ZNF454: variants seen among roughly 807,000 people sequenced by gnomAD.
The protein encoded by ZNF454 is zinc finger protein 454.
In ZNF454, 30 loss-of-function variants were observed where a neutral mutation model predicts 48.2. The observed-to-expected ratio is 0.62, with a 90% CI of 0.47 to 0.84. The LOEUF is 0.84. Ranked by LOEUF, ZNF454 falls within the 40% of genes least tolerant of loss-of-function variation. ZNF454 has a pLI of 0.00. For synonymous variants in ZNF454, 204 were observed against 211.4 expected (o/e 0.97, Z 0.30); for missense variants, 510 against 623.1 (o/e 0.82, Z 1.93).
At chr5:178,982,688 ATG>A in the ZNF454 span, 1 of 402,014 alleles carries the variant, frequency 2.5e-6, no homozygotes, top group Non-Finnish European at 4.1e-6. Flanking sequence ...AGAAATGAAA[ATG>A]ATAAAAAAAA....
chr5:178,977,442 C>A, the ZNF454 span: 1 of 456,254 alleles, frequency 2.2e-6, no homozygotes, highest in Non-Finnish European at 4.4e-6. Flanking sequence ...TTCCAGCCTC[C>A]AGAACTATGA....
intron 4 of ZNF454, among the ~76,000 whole-genome samples, chr5:178,955,681 G>A (rs4700972): frequency 6.6e-6 from 1 of 152,004 alleles, no homozygotes; most frequent in Non-Finnish European, 1.5e-5. Flanking sequence ...AGTAATGTTA[G>A]TCTCACAAAA....
chr5:178,985,495 A>G, the ZNF454 span: 2 of 342,170 alleles, frequency 5.8e-6, no homozygotes, highest in East Asian at 8.2e-5. Context: ...CGAGGTCAGG[A>G]GATCGAGACC....
At chr5:178,961,262 G>T (rs1042883798) in intron 4 of ZNF454, among the ~76,000 whole-genome samples, 6 of 151,610 alleles carry the variant, frequency 4.0e-5, no homozygotes, top group Admixed American at 1.3e-4. Flanking sequence ...ACTTAGGTAA[G>T]TTACTATGTA....
the ZNF454 span, chr5:178,983,126 CCCTCTGGCCTGCTCGGGGT>C: frequency 3.7e-6 from 6 of 1,613,684 alleles, no homozygotes; most frequent in African/African-American, 1.3e-5. Context: ...ACTTGAGCAC[CCCTCTGGCCTGCTCGGGGT>C]CCACCGTCCG....
In ZNF454 at chr5:178,965,281, A is replaced by G; in HGVS notation, c.877A>G (p.Ile293Val). Residue 293 changes from isoleucine to valine, a missense_variant, in exon 5 of 5, where the codon ATA (isoleucine) becomes GTA (valine). Ile to Val is a conservative substitution (Grantham distance 29, BLOSUM62 3). This residue lies in a region of ZNF454 where 354 missense variants were observed against 408.9 expected (regional missense o/e 0.87). Transcript: ENST00000519564. This position sits in a 1 kb window ranked among gnomAD's most constrained non-coding sequence, Gnocchi z 5.2. The part of the protein sequence containing the change: ...RNIHLAHHHR[I>V]HTGEKPFKCN... ...TATACACCTTGCCCATCATCATAGA[A>G]TACATACTGGAGAGAAACCTTTTAA... is the stretch of plus-strand genomic sequence containing the variant. 6.2e-7 allele frequency: 1 copy of G among 1,614,248 alleles called. No homozygotes were observed. The highest frequency in any genetic ancestry group is 8.5e-7 in the Non-Finnish European group (1 of 1,180,042).
chr5:178,982,819 A>G, the ZNF454 span: 1 of 922,796 alleles, frequency 1.1e-6, no homozygotes, highest in Non-Finnish European at 1.8e-6. Flanking sequence ...CGGGATAAAC[A>G]AAAGCACGAA....
Position 178,946,250 on chromosome 5 carries a change from C to A in ZNF454, c.34-109C>A. On this transcript the variant is annotated intron_variant, in intron 2 of 4. Transcript: ENST00000519564. The surrounding 1 kb of genome is among the most constrained non-coding windows in gnomAD (Gnocchi z 4.5). ...TCACAGAACGCCAGCTCCCTGTGTGCCAGCAGTCCTGTAAATGCGCACAAG... is the reference window on the plus strand; with the variant it reads ...TCACAGAACGCCAGCTCCCTGTGTGACAGCAGTCCTGTAAATGCGCACAAG... 1.4e-6 allele frequency: 2 copies of A among 1,469,364 alleles called. No individual in the cohort carries two copies. The highest frequency in any genetic ancestry group is 1.8e-6 in the Non-Finnish European group (2 of 1,082,878). 91.0% of individuals were successfully genotyped at this position (1,469,364 alleles called of 1,614,324 possible). A position where few individuals can be genotyped will look rare whatever the true frequency, so the allele number is the denominator to read the frequency against.
the ZNF454 span, chr5:178,989,511 G>C: frequency 1.4e-6 from 2 of 1,399,186 alleles, no homozygotes; most frequent in Non-Finnish European, 2.0e-6. Context: ...GGCCAGGTGA[G>C]CTAGGAGTGG....
chr5:178,972,149 G>C, the ZNF454 span, among the ~76,000 whole-genome samples: 17 of 152,020 alleles, frequency 1.1e-4, no homozygotes, highest in South Asian at 1.9e-3. Context: ...GTCCAGGCTG[G>C]TCTCGAACTC....
chr5:178,989,001 A>G, the ZNF454 span: 2 of 1,613,642 alleles, frequency 1.2e-6, no homozygotes, highest in Non-Finnish European at 8.5e-7. Flanking sequence ...ATCGCCGGGC[A>G]CAGGCCTGTG....
the ZNF454 span, chr5:178,985,332 C>A: frequency 2.2e-6 from 1 of 452,466 alleles, no homozygotes; most frequent in South Asian, 1.6e-5. Context: ...CCTTCAAGGA[C>A]CCAGCAGGGG....
chr5:178,964,308 G>A (rs972852188), intron 4 of ZNF454, among the ~76,000 whole-genome samples: 1 of 152,024 alleles, frequency 6.6e-6, no homozygotes, highest in Non-Finnish European at 1.5e-5. Context: ...TTTTAGTAGA[G>A]ACGGGGTTTC....
chr5:178,989,206 TC>T, the ZNF454 span: 1 of 218,580 alleles, frequency 4.6e-6, no homozygotes, highest in Non-Finnish European at 6.5e-6. Flanking sequence ...GCCTTCCCCC[TC>T]CCCACCCTCA....
intron 1 of ZNF454, among the ~76,000 whole-genome samples, chr5:178,942,223 G>A (rs959570292): frequency 1.3e-5 from 2 of 152,162 alleles, no homozygotes; most frequent in African/African-American, 4.8e-5. Flanking sequence ...GACCAACATG[G>A]TGAAATCCCG....
At chr5:178,968,718 C>T (rs754236079), downstream of ZNF454, 1 of 455,374 alleles carries the variant, frequency 2.2e-6, no homozygotes, top group South Asian at 1.6e-5. Flanking sequence ...TCTTAACTAC[C>T]ACCCCCTTAC....
Position 178,944,310 on chromosome 5 carries a change from C to T in ZNF454, c.33+1486C>T, listed in dbSNP as rs1014452777. 9.2e-5 allele frequency among the ~76,000 whole-genome samples: 14 copies of T among 152,146 alleles called. No homozygotes were observed. The highest frequency in any genetic ancestry group is 3.1e-4 in the African/African-American group (13 of 41,428). On this transcript the variant is annotated intron_variant, in intron 2 of 4. Coordinates refer to ENST00000519564, the MANE Select transcript of ZNF454 (RefSeq NM_001178089.3). The surrounding 1 kb of genome is among the most constrained non-coding windows in gnomAD (Gnocchi z 4.1). ...CACCACTTTTTCTGCAAAACCTGTC[C>T]GCACCCACAGTGCCAGTCTACTGTG...
rs573009113 is a variant in ZNF454 at position 178,964,366 on chromosome 5, C to T, written c.251-289C>T. ...CGATCTCCTGACCTCGTGATCCACC[C>T]GCCTTGGCCTCCCAAAGTGCTGGGA... On this transcript the variant is annotated intron_variant, in intron 4 of 4. Transcript: ENST00000519564. Among the ~76,000 whole-genome samples, 131 of 152,210 alleles carry T rather than the reference C, an allele frequency of 8.6e-4. 4 individuals are homozygous for T. In the South Asian group the frequency reaches 0.022, roughly 26 times the overall value.
chr5:178,946,625 T>G lies in ZNF454; in HGVS notation c.160+140T>G, dbSNP rs546589970. 4.1e-6 allele frequency: 5 copies of G among 1,224,260 alleles called. No individual in the cohort carries two copies. The East Asian group carries it at 7.5e-5, about 18-fold the overall frequency. The allele number at this position is 1,224,260 out of a possible 1,614,324, so 75.8% of individuals were successfully genotyped here. ...TGCCATTAATTTTACCTGTCCTTGG[T>G]GTCCTGGGCACAGGCCTCTTTTGGA... On this transcript the variant is annotated intron_variant, in intron 3 of 4. Coordinates refer to ENST00000519564, the MANE Select transcript of ZNF454 (RefSeq NM_001178089.3). This position sits in a 1 kb window ranked among gnomAD's most constrained non-coding sequence, Gnocchi z 4.5.
Sources: gnomAD v4.1 joint callset for allele counts (sites outside exome capture counted in the v4.1 genomes callset) on GRCh38, gnomAD v4.1.1 for gene constraint, gnomAD v4.1.1 regional missense constraint, Gnocchi (gnomAD v3.1) non-coding constraint, MANE v1.5 for transcripts, NCBI Gene and HGNC (gene_info 2026-07-23, HGNC 2026-07-21) for gene names.